RNGTT: variants seen among roughly 807,000 people sequenced by gnomAD.
RNGTT encodes RNA guanylyltransferase and 5'-phosphatase.
In RNGTT, 33 loss-of-function variants were observed where a neutral mutation model predicts 79.3. That is an observed-to-expected ratio of 0.42 (90% CI 0.32 to 0.56). RNGTT has a LOEUF of 0.56. Ranked by LOEUF, RNGTT falls within the 20% of genes least tolerant of loss-of-function variation. The probability of loss-of-function intolerance (pLI) is 0.17; values close to 1 mark genes in which losing one functional copy is unlikely to be tolerated. For missense variants in RNGTT, 497 were observed against 739.1 expected, an observed-to-expected ratio of 0.67 and a Z score of 3.80; for synonymous variants, 222 against 235.9, an observed-to-expected ratio of 0.94 and a Z score of 0.54.
chr6:88,797,302 T>C (rs1054177609), intron 12 of RNGTT, among the ~76,000 whole-genome samples: 10 of 152,060 alleles, frequency 6.6e-5, no homozygotes, highest in Non-Finnish European at 1.2e-4. Context: ...GAAAATAACA[T>C]GTTCAGTTTA....
At chr6:88,730,882 C>T (rs1777089840) in intron 13 of RNGTT, among the ~76,000 whole-genome samples, 1 of 152,104 alleles carries the variant, frequency 6.6e-6, no homozygotes, top group Non-Finnish European at 1.5e-5. Context: ...GGAAAGTAAC[C>T]ACCTCCAGCC....
At chr6:88,629,051 G>A (rs1010228389) in intron 14 of RNGTT, among the ~76,000 whole-genome samples, 1 of 152,144 alleles carries the variant, frequency 6.6e-6, no homozygotes, top group Non-Finnish European at 1.5e-5. Context: ...AGTGCCATGT[G>A]TTGGTCAATA....
rs113023002 is a variant in RNGTT, at chr6:88,718,357, G to T, written c.1440-39938C>A. Reference sequence around the variant, plus strand: ...AGCCAAGATTGTGCCACTGCACTCCGGCCTAGGCAACAGAGTGAGACTGTC... The same window carrying T: ...AGCCAAGATTGTGCCACTGCACTCCTGCCTAGGCAACAGAGTGAGACTGTC... On this transcript the variant is annotated intron_variant, in intron 13 of 15. Transcript: ENST00000369485. Among the ~76,000 whole-genome samples the T allele has an allele frequency of 2.0e-3, 296 of 150,686 alleles. 2 individuals are homozygous for T. Among genetic ancestry groups the T allele is most frequent in the African/African-American group, 7.1e-3 (290 of 40,986 alleles).
chr6:88,785,001 G>A (rs1779182864), intron 12 of RNGTT, among the ~76,000 whole-genome samples: 1 of 152,012 alleles, frequency 6.6e-6, no homozygotes, highest in East Asian at 1.9e-4. Context: ...TTAAATACAT[G>A]TTAAAATTTC....
chr6:88,951,825 G>A (rs749965075), intron 1 of RNGTT, among the ~76,000 whole-genome samples: 11 of 152,114 alleles, frequency 7.2e-5, no homozygotes, highest in South Asian at 2.1e-4. Flanking sequence ...AGGGGCCCTC[G>A]GGGAAAGCAG....
chr6:88,962,554 C>T (rs1477102072), intron 1 of RNGTT, among the ~76,000 whole-genome samples: 1 of 152,012 alleles, frequency 6.6e-6, no homozygotes, highest in Non-Finnish European at 1.5e-5. Flanking sequence ...GGGCGGATCA[C>T]TTGAGGCCAG....
intron 13 of RNGTT, among the ~76,000 whole-genome samples, chr6:88,689,874 AC>A (rs771437047): frequency 2.8e-5 from 4 of 144,796 alleles, no homozygotes; most frequent in African/African-American, 8.0e-5. Context: ...CGTAACAATT[AC>A]AAAAAAAAAA....
At chr6:88,700,057 T>G (rs1775893914) in intron 13 of RNGTT, among the ~76,000 whole-genome samples, 1 of 152,148 alleles carries the variant, frequency 6.6e-6, no homozygotes, top group African/African-American at 2.4e-5. Context: ...TGAAAATGGT[T>G]TCAATGCTGA....
chr6:88,822,164 G>A (rs1354625420), intron 11 of RNGTT, among the ~76,000 whole-genome samples: 1 of 152,064 alleles, frequency 6.6e-6, no homozygotes, highest in Non-Finnish European at 1.5e-5. Context: ...TAGGCAAAAG[G>A]CCACTGCTAA....
At chr6:88,748,026 CCTT>C (rs1417470568) in intron 13 of RNGTT, among the ~76,000 whole-genome samples, 1 of 152,134 alleles carries the variant, frequency 6.6e-6, no homozygotes, top group Non-Finnish European at 1.5e-5. Context: ...CTACACTACA[CCTT>C]CTGGATCTTT....
At chr6:88,682,268 T>C (rs1473321436) in intron 13 of RNGTT, among the ~76,000 whole-genome samples, 1 of 152,192 alleles carries the variant, frequency 6.6e-6, no homozygotes, top group African/African-American at 2.4e-5. Context: ...GCCATAACTA[T>C]AGTACCCGTT....
chr6:88,920,232 G>A (rs930576385), intron 4 of RNGTT, among the ~76,000 whole-genome samples: 11 of 152,258 alleles, frequency 7.2e-5, no homozygotes, highest in Middle Eastern at 6.8e-3. Flanking sequence ...AAAATCCTCC[G>A]ATGCTCAGTG....
chr6:88,735,414 C>G (rs945183256), intron 13 of RNGTT, among the ~76,000 whole-genome samples: 6 of 151,948 alleles, frequency 3.9e-5, no homozygotes, highest in Non-Finnish European at 5.9e-5. Flanking sequence ...TTCTAAAAGA[C>G]AGACACATTC....
In RNGTT at chr6:88,941,141, T is replaced by C; in HGVS notation, c.104A>G (p.Tyr35Cys). Residue 35 changes from tyrosine to cysteine, a missense_variant, in exon 2 of 16, where the codon TAT (tyrosine) becomes TGT (cysteine). Transcript: ENST00000369485. ...LPLKTMLGPR[Y>C]DSQVAEENRF... ...ATTTTCTTCAGCAACTTGACTATCATATCTTGGTCCTAACATTGTCTTCAG... is the reference window on the plus strand; with the variant it reads ...ATTTTCTTCAGCAACTTGACTATCACATCTTGGTCCTAACATTGTCTTCAG... 6.2e-7 allele frequency: 1 copy of C among 1,613,376 alleles called. No individual in the cohort carries two copies. Among genetic ancestry groups the C allele is most frequent in the Non-Finnish European group, 8.5e-7 (1 of 1,179,386 alleles).
chr6:88,620,723 C>A (rs1014807750), intron 14 of RNGTT, among the ~76,000 whole-genome samples: 14 of 152,182 alleles, frequency 9.2e-5, no homozygotes, highest in Admixed American at 7.9e-4. Flanking sequence ...CAGAGAGCTA[C>A]AGCAAATTCA....
At chr6:88,652,757 G>A (rs1202911923) in intron 14 of RNGTT, among the ~76,000 whole-genome samples, 1 of 152,108 alleles carries the variant, frequency 6.6e-6, no homozygotes, top group African/African-American at 2.4e-5. Flanking sequence ...CAAAACAAGC[G>A]CAGGTCTGGA....
rs1282358858 is a variant in RNGTT, at chr6:88,702,036, T to C, written c.1440-23617A>G. Among the ~76,000 whole-genome samples, 4 of 151,908 alleles carry C rather than the reference T, an allele frequency of 2.6e-5. No homozygotes were observed. In the East Asian group the frequency reaches 7.7e-4, roughly 29 times the overall value. On this transcript the variant is annotated intron_variant, in intron 13 of 15. Transcript: ENST00000369485. ...GAGGTGACAGGTCTTTACAAGGAGA[T>C]CTATAAAACATGACTAAAAGAAATC...
intron 12 of RNGTT, among the ~76,000 whole-genome samples, chr6:88,784,508 T>C (rs1414647286): frequency 2.0e-5 from 3 of 152,076 alleles, no homozygotes; most frequent in Middle Eastern, 3.4e-3. Flanking sequence ...GAAAAGAAAA[T>C]AGTTTCAGGC....
chr6:88,676,056 G>T (rs1043364833), intron 14 of RNGTT, among the ~76,000 whole-genome samples: 2 of 152,108 alleles, frequency 1.3e-5, no homozygotes, highest in South Asian at 4.1e-4. Flanking sequence ...CTGACAAGAT[G>T]ATTATAAAAA....
Sources: allele counts gnomAD v4.1 joint callset (sites outside exome capture counted in the v4.1 genomes callset), GRCh38; gene constraint gnomAD v4.1.1; transcripts MANE v1.5; gene names NCBI Gene and HGNC (gene_info 2026-07-23, HGNC 2026-07-21).